DCLK1: variants seen among roughly 807,000 people sequenced by gnomAD.
The protein encoded by DCLK1 is doublecortin like kinase 1, also known as serine/threonine-protein kinase DCLK1.
In DCLK1, 16 loss-of-function variants were observed where a neutral mutation model predicts 86.2. The ratio of observed to expected loss-of-function variants is 0.19; its 90% CI spans 0.13 to 0.28. DCLK1 has a LOEUF of 0.28. DCLK1 is among the 10% of genes least tolerant of loss of function. The pLI is 1.00. For missense variants in DCLK1, 590 were observed against 940.2 expected, an observed-to-expected ratio of 0.63 and a Z score of 4.87; for synonymous variants, 369 against 370.5, an observed-to-expected ratio of 1.00 and a Z score of 0.05.
chr13:36,065,828 C>G (rs1354088058), intron 3 of DCLK1, among the ~76,000 whole-genome samples: 1 of 152,064 alleles, frequency 6.6e-6, no homozygotes, highest in Non-Finnish European at 1.5e-5. Flanking sequence ...GGAAAAAATA[C>G]TTATGCCATT....
intron 3 of DCLK1, among the ~76,000 whole-genome samples, chr13:35,996,278 T>C (rs1880473622): frequency 6.6e-6 from 1 of 152,200 alleles, no homozygotes; most frequent in African/African-American, 2.4e-5. Flanking sequence ...GAAGGAGAGA[T>C]AGATTAAGGC....
intron 3 of DCLK1, among the ~76,000 whole-genome samples, chr13:35,966,815 G>T (rs1231700515): frequency 1.3e-5 from 2 of 152,062 alleles, no homozygotes; most frequent in Admixed American, 6.5e-5. Flanking sequence ...GCTCAATGTT[G>T]CCCAGGCTGG....
chr13:36,001,821 T>C (rs997275856), intron 3 of DCLK1, among the ~76,000 whole-genome samples: 1 of 152,152 alleles, frequency 6.6e-6, no homozygotes, highest in African/African-American at 2.4e-5. Context: ...ACGGCCTGGA[T>C]CTTACTGAAT....
intron 3 of DCLK1, among the ~76,000 whole-genome samples, chr13:36,027,592 A>G (rs1484345758): frequency 1.3e-5 from 2 of 152,246 alleles, no homozygotes; most frequent in Non-Finnish European, 2.9e-5. Context: ...TGATCCTCCA[A>G]GATAATTACT....
At chr13:35,986,657 C>T (rs1377617438) in intron 3 of DCLK1, among the ~76,000 whole-genome samples, 1 of 152,110 alleles carries the variant, frequency 6.6e-6, no homozygotes, top group Admixed American at 6.6e-5. Context: ...TTTCTTTTGT[C>T]GCTCACTCGC....
intron 3 of DCLK1, among the ~76,000 whole-genome samples, chr13:36,030,765 A>C (rs945382866): frequency 1.3e-5 from 2 of 152,142 alleles, no homozygotes; most frequent in Non-Finnish European, 2.9e-5. Flanking sequence ...GCACAGAACA[A>C]ATAGAATAAA....
In DCLK1 at chr13:35,846,485, T is replaced by C. The variant is rs1870184985; in HGVS notation, c.1036-7309A>G. 1.0e-5 allele frequency: 10 copies of C among 985,360 alleles called. No homozygotes were observed. In the South Asian group the frequency reaches 2.3e-4, roughly 23 times the overall value. The allele number at this position is 985,360 out of a possible 1,614,324, so 61.0% of individuals were successfully genotyped here. A position where few individuals can be genotyped will look rare whatever the true frequency, so the allele number is the denominator to read the frequency against. On this transcript the variant is annotated intron_variant, in intron 6 of 16. Coordinates refer to ENST00000360631, the MANE Select transcript of DCLK1 (RefSeq NM_001330071.2). ...TTTATACTATCTTGGAATTTATCCA[T>C]AATCTACTAAAATGAACCACATTTT... is the stretch of plus-strand genomic sequence containing the variant.
At chr13:35,829,098 A>G (rs1868739789) in intron 8 of DCLK1, among the ~76,000 whole-genome samples, 1 of 152,152 alleles carries the variant, frequency 6.6e-6, no homozygotes, top group African/African-American at 2.4e-5. Context: ...TCACTTCCCA[A>G]AGCCACATGG....
intron 3 of DCLK1, among the ~76,000 whole-genome samples, chr13:36,039,414 G>A (rs933833648): frequency 6.6e-6 from 1 of 152,162 alleles, no homozygotes; most frequent in Non-Finnish European, 1.5e-5. Context: ...AAAGGTAGCA[G>A]CTGGCCTCTG....
intron 1 of DCLK1, 74 bp from the exon 2 acceptor site, chr13:36,126,230 TG>T (rs919103328): frequency 8.8e-6 from 11 of 1,251,962 alleles, no homozygotes; most frequent in African/African-American, 3.1e-5. Context: ...TTTTTGTTTT[TG>T]TTTTTTTTAT....
At chr13:36,120,558 G>T (rs1348808151) in intron 2 of DCLK1, among the ~76,000 whole-genome samples, 1 of 152,078 alleles carries the variant, frequency 6.6e-6, no homozygotes, top group Non-Finnish European at 1.5e-5. Context: ...TGGCAAAATT[G>T]CCTAACAACA....
chr13:35,890,255 G>C (rs1464071559), intron 4 of DCLK1, among the ~76,000 whole-genome samples: 2 of 152,046 alleles, frequency 1.3e-5, no homozygotes, highest in Non-Finnish European at 2.9e-5. Context: ...AAAGGTCAGA[G>C]AATATATAAG....
intron 6 of DCLK1, among the ~76,000 whole-genome samples, chr13:35,840,392 G>A (rs1869706226): frequency 6.6e-6 from 1 of 152,210 alleles, no homozygotes; most frequent in African/African-American, 2.4e-5. Context: ...AGCCATCTAA[G>A]TCAAACATCA....
At chr13:36,088,420 T>G (rs1884695450) in intron 3 of DCLK1, among the ~76,000 whole-genome samples, 1 of 152,208 alleles carries the variant, frequency 6.6e-6, no homozygotes, top group African/African-American at 2.4e-5. Flanking sequence ...TAGGGTCCAG[T>G]CTTAAGGCTG....
intron 10 of DCLK1, among the ~76,000 whole-genome samples, chr13:35,824,473 T>TCTGG: frequency 6.6e-6 from 1 of 152,268 alleles, no homozygotes; most frequent in South Asian, 2.1e-4. Context: ...AGCCACTGCG[T>TCTGG]CTGGCTCCTT....
intron 3 of DCLK1, among the ~76,000 whole-genome samples, chr13:36,077,628 T>C (rs573462553): frequency 8.5e-5 from 13 of 152,190 alleles, no homozygotes; most frequent in African/African-American, 2.9e-4. Flanking sequence ...GGTAGGAACA[T>C]GAAAGGAGAG....
intron 3 of DCLK1, among the ~76,000 whole-genome samples, chr13:36,049,837 A>G (rs1028524353): frequency 5.9e-5 from 9 of 152,314 alleles, no homozygotes; most frequent in Non-Finnish European, 1.2e-4. Context: ...ATAAAATACA[A>G]AGACTCTAAT....
At chr13:36,072,996 T>C (rs569741131) in intron 3 of DCLK1, among the ~76,000 whole-genome samples, 3 of 152,314 alleles carry the variant, frequency 2.0e-5, no homozygotes, top group South Asian at 4.1e-4. Flanking sequence ...TCATCTAAGA[T>C]ATTACTCGCT....
chr13:35,862,626 T>C (rs901015169), intron 5 of DCLK1, among the ~76,000 whole-genome samples: 1 of 152,206 alleles, frequency 6.6e-6, no homozygotes, highest in Non-Finnish European at 1.5e-5. Context: ...CCTGTGCAAT[T>C]TGACCACAAC....
Sources: allele counts gnomAD v4.1 joint callset (sites outside exome capture counted in the v4.1 genomes callset), GRCh38; gene constraint gnomAD v4.1.1; transcripts MANE v1.5; gene names NCBI Gene and HGNC (gene_info 2026-07-23, HGNC 2026-07-21).